The following CHL1 variants were observed in gnomAD, a reference collection of about 807,000 sequenced individuals.
The protein encoded by CHL1 is cell adhesion molecule L1 like.
In CHL1, 96 loss-of-function variants were observed where a neutral mutation model predicts 141.9. That is an observed-to-expected ratio of 0.68 (90% CI 0.57 to 0.80). CHL1 has a LOEUF of 0.80. Among genes scored for constraint, CHL1 ranks in the 30% least tolerant of loss-of-function variants. The pLI, the probability that CHL1 is intolerant of heterozygous loss-of-function variation, is 0.00. For missense variants in CHL1, 1,820 were observed against 1,457.2 expected (o/e 1.25, Z -4.05); for synonymous variants, 613 against 502.2 (o/e 1.22, Z -2.95).
At position 280,635 on chromosome 3, in the gene CHL1, C is replaced by G. The variant is rs567991999; in HGVS notation, c.-95+35943C>G. 2.0e-5 allele frequency among the ~76,000 whole-genome samples: 3 copies of G among 152,216 alleles called. No individual in the cohort carries two copies. In the South Asian group the frequency reaches 6.2e-4, roughly 32 times the overall value. On this transcript the variant is annotated intron_variant, in intron 2 of 27. Transcript: ENST00000256509. Reference sequence around the variant, plus strand: ...TTAAAGGGAGATGTTCAACGATGGTCACAAGATGCAGGACTCAAGAGCTTC... The same window carrying G: ...TTAAAGGGAGATGTTCAACGATGGTGACAAGATGCAGGACTCAAGAGCTTC...
intron 15 of CHL1, among the ~76,000 whole-genome samples, chr3:370,817 AT>A (rs1705538693): frequency 6.6e-6 from 1 of 152,118 alleles, no homozygotes; most frequent in Non-Finnish European, 1.5e-5. Context: ...CTTTGTTCTC[AT>A]TGGTTTCAAA....
At chr3:348,806 TG>T (rs1702985288) in intron 9 of CHL1, among the ~76,000 whole-genome samples, 1 of 152,210 alleles carries the variant, frequency 6.6e-6, no homozygotes, top group African/African-American at 2.4e-5. Flanking sequence ...GATTCCAGCT[TG>T]CCCTGGAATA....
At chr3:292,418 C>T (rs1697773386) in intron 2 of CHL1, among the ~76,000 whole-genome samples, 1 of 152,142 alleles carries the variant, frequency 6.6e-6, no homozygotes, top group South Asian at 2.1e-4. Context: ...GTTTTATAGT[C>T]ATTCAGTAAG....
At chr3:318,393 G>C (rs556337658) in intron 2 of CHL1, among the ~76,000 whole-genome samples, 10 of 151,664 alleles carry the variant, frequency 6.6e-5, no homozygotes, top group Non-Finnish European at 1.3e-4. Flanking sequence ...TAGAGTAATT[G>C]ATTTTTAGAA....
chr3:386,836 T>C (rs61201030), intron 19 of CHL1, among the ~76,000 whole-genome samples: 2,869 of 152,282 alleles, frequency 0.019, 72 homozygotes, highest in African/African-American at 0.053. Flanking sequence ...TATAACATAA[T>C]GACTATAGTA....
intron 1 of CHL1, among the ~76,000 whole-genome samples, chr3:238,891 C>T (rs542587635): frequency 6.6e-6 from 1 of 152,218 alleles, no homozygotes; most frequent in Admixed American, 6.5e-5. Flanking sequence ...CAAAATCGCG[C>T]CATTGCACTC....
intron 15 of CHL1, 54 bp downstream of exon 15, chr3:366,169 A>C: frequency 6.5e-7 from 1 of 1,550,270 alleles, no homozygotes; most frequent in Non-Finnish European, 8.8e-7. Context: ...AACAACTTGC[A>C]TTTGATTTAA....
At chr3:207,399 A>C (rs950811140) in intron 1 of CHL1, among the ~76,000 whole-genome samples, 1 of 152,218 alleles carries the variant, frequency 6.6e-6, no homozygotes, top group African/African-American at 2.4e-5. Context: ...CTTCTCAAGA[A>C]GTAAGTTTAT....
At chr3:255,343 T>A (rs1374916531) in intron 2 of CHL1, among the ~76,000 whole-genome samples, 1 of 152,210 alleles carries the variant, frequency 6.6e-6, no homozygotes, top group African/African-American at 2.4e-5. Context: ...GAGTTTCATG[T>A]GATCATAAAA....
intron 2 of CHL1, among the ~76,000 whole-genome samples, chr3:311,148 A>T (rs1386948194): frequency 6.6e-6 from 1 of 152,146 alleles, no homozygotes; most frequent in Non-Finnish European, 1.5e-5. Flanking sequence ...GGTGACTTTC[A>T]AATTTTGATA....
chr3:338,124 A>G (rs1262942450), intron 5 of CHL1, among the ~76,000 whole-genome samples: 4 of 152,140 alleles, frequency 2.6e-5, no homozygotes, highest in East Asian at 1.9e-4. Flanking sequence ...TCGGCCTCCC[A>G]AAGTGCAAAC....
intron 2 of CHL1, among the ~76,000 whole-genome samples, chr3:245,040 G>C (rs1228357121): frequency 6.6e-6 from 1 of 152,088 alleles, no homozygotes; most frequent in Non-Finnish European, 1.5e-5. Context: ...ACTGAGATTT[G>C]AGAAGGTTGA....
chr3:198,115 G>C (rs13074215), intron 1 of CHL1: 25,404 of 273,868 alleles, frequency 0.093, 1,293 homozygotes, highest in Middle Eastern at 0.15. Flanking sequence ...CAGACGGCCA[G>C]CAGGGTGGAG....
chr3:279,145 T>A (rs562851988), intron 2 of CHL1, among the ~76,000 whole-genome samples: 38 of 152,354 alleles, frequency 2.5e-4, no homozygotes, highest in African/African-American at 8.7e-4. Context: ...ATTTAGCAGT[T>A]ATTTTTATGG....
At chr3:361,628 A>G (rs1030828768) in intron 12 of CHL1, 71 bp from the exon 13 acceptor site, 3 of 1,010,422 alleles carry the variant, frequency 3.0e-6, no homozygotes, top group African/African-American at 3.2e-5. Flanking sequence ...TGACTAGGAC[A>G]TAGAAAAATT....
At chr3:291,544 G>C (rs888117246) in intron 2 of CHL1, among the ~76,000 whole-genome samples, 1 of 150,228 alleles carries the variant, frequency 6.7e-6, no homozygotes, top group African/African-American at 2.5e-5. Flanking sequence ...TCCAATAATA[G>C]TATTTTTAGG....
At position 382,554 on chromosome 3, in the gene CHL1, A is replaced by T. The variant is rs771208256; in HGVS notation, c.2059A>T (p.Thr687Ser). Reference sequence around the variant, plus strand: ...GACCAGAGTCCAAGGAAAGAAAACCACAGTTATCTTACCTTTGGCTCCATT... The same window carrying T: ...GACCAGAGTCCAAGGAAAGAAAACCTCAGTTATCTTACCTTTGGCTCCATT... Reference protein sequence around the residue: ...ELTRVQGKKTTVILPLAPFVR... With the variant: ...ELTRVQGKKTSVILPLAPFVR... Residue 687 changes from threonine to serine, a missense_variant, in exon 18 of 28, where the codon ACA becomes TCA. Transcript: ENST00000256509. 3.1e-6 allele frequency: 5 copies of T among 1,613,510 alleles called. 1 individual carries two copies. In the Admixed American group the frequency reaches 8.3e-5, roughly 27 times the overall value.
chr3:340,241 T>C (rs1702249909), intron 5 of CHL1, among the ~76,000 whole-genome samples: 1 of 152,188 alleles, frequency 6.6e-6, no homozygotes. Context: ...GTAATTTCAA[T>C]GTGGCTGGCT....
chr3:326,867 G>C (rs1386390347), intron 4 of CHL1, among the ~76,000 whole-genome samples: 1 of 151,580 alleles, frequency 6.6e-6, no homozygotes, highest in Non-Finnish European at 1.5e-5. Flanking sequence ...TATTATTATT[G>C]CCTGATGGGT....
Sources: allele counts gnomAD v4.1 joint callset (sites outside exome capture counted in the v4.1 genomes callset), GRCh38; gene constraint gnomAD v4.1.1; transcripts MANE v1.5; gene names NCBI Gene and HGNC (gene_info 2026-07-23, HGNC 2026-07-21).